Variants in SCAI observed in about 807,000 individuals in gnomAD.
SCAI encodes the protein protein SCAI.
A neutral mutation model predicts 92.2 loss-of-function variants in SCAI; 24 were observed. The observed-to-expected ratio is 0.26, with a 90% CI of 0.19 to 0.37. SCAI has a LOEUF of 0.37. Among genes scored for constraint, SCAI ranks in the 10% least tolerant of loss-of-function variants. The probability of loss-of-function intolerance (pLI) is 1.00; values close to 1 mark genes in which losing one functional copy is unlikely to be tolerated. For missense variants in SCAI, 450 were observed against 736.2 expected, an observed-to-expected ratio of 0.61 and a Z score of 4.50; for synonymous variants, 261 against 258.6, an observed-to-expected ratio of 1.01 and a Z score of -0.09.
intron 13 of SCAI, among the ~76,000 whole-genome samples, chr9:124,999,277 C>T (rs1041946018): frequency 4.1e-4 from 63 of 151,816 alleles, no homozygotes; most frequent in Admixed American, 1.8e-3. Context: ...ATCCCAGCTA[C>T]GCAGGAGGCT....
At chr9:125,074,188 G>A (rs543767032) in intron 2 of SCAI, among the ~76,000 whole-genome samples, 47 of 150,238 alleles carry the variant, frequency 3.1e-4, no homozygotes, top group African/African-American at 1.0e-3. Context: ...GAACCCGAGA[G>A]GCAGAGGTTG....
intron 5 of SCAI, 140 bp downstream of exon 5, chr9:125,028,252 C>A: frequency 1.8e-6 from 1 of 542,306 alleles, no homozygotes; most frequent in South Asian, 2.3e-5. Context: ...TTGTCTTGAT[C>A]AATCTGGTCC....
rs2131282799 is a variant in SCAI at position 125,143,367 on chromosome 9, T to C, written c.53+18A>G. On this transcript the variant is annotated intron_variant, in intron 1 of 17. Coordinates refer to ENST00000336505, the MANE Select transcript of SCAI (RefSeq NM_001144877.3). ...CCCCACCCCATCCCCAACCCCGGCC[T>C]CCACCCAGCCCCCGCACCTGGGGGC... 1.8e-6 allele frequency: 2 copies of C among 1,126,786 alleles called. No homozygotes were observed. The highest frequency in any genetic ancestry group is 2.2e-6 in the Non-Finnish European group (2 of 897,874). 69.8% of individuals were successfully genotyped at this position (1,126,786 alleles called of 1,614,324 possible). A position where few individuals can be genotyped will look rare whatever the true frequency, so the allele number is the denominator to read the frequency against.
At chr9:124,972,973 T>C (rs1831688932) in intron 15 of SCAI, among the ~76,000 whole-genome samples, 1 of 152,222 alleles carries the variant, frequency 6.6e-6, no homozygotes, top group South Asian at 2.1e-4. Flanking sequence ...ATGGTACAAG[T>C]TGAGTATCCC....
intron 2 of SCAI, among the ~76,000 whole-genome samples, chr9:125,118,373 C>A (rs1398064636): frequency 2.0e-5 from 3 of 151,994 alleles, no homozygotes; most frequent in Non-Finnish European, 2.9e-5. Context: ...AAAAAATTAA[C>A]CAGGCATGGT....
intron 17 of SCAI, among the ~76,000 whole-genome samples, chr9:124,962,839 C>T (rs1198321061): frequency 6.6e-6 from 1 of 150,858 alleles, no homozygotes; most frequent in Non-Finnish European, 1.5e-5. Context: ...TGCTCTGTCA[C>T]CCAGGCTGGA....
At chr9:124,953,000 G>C in intron 17 of SCAI, 47 bp from the exon 18 acceptor site, 1 of 1,513,848 alleles carries the variant, frequency 6.6e-7, no homozygotes, top group South Asian at 1.1e-5. Context: ...TCTAATGAAA[G>C]AAAATTATAC....
intron 3 of SCAI, among the ~76,000 whole-genome samples, chr9:125,039,280 G>T (rs375801496): frequency 1.4e-4 from 21 of 151,818 alleles, no homozygotes; most frequent in Non-Finnish European, 2.8e-4. Context: ...CCAGCCACTC[G>T]GGAGGCTGAG....
chr9:125,108,006 A>AT (rs1256387629), intron 2 of SCAI, among the ~76,000 whole-genome samples: 2 of 151,928 alleles, frequency 1.3e-5, no homozygotes, highest in Non-Finnish European at 2.9e-5. Flanking sequence ...TGGTTTTCGT[A>AT]TTTTTTTGGT....
chr9:125,058,745 A>G (rs1220347737), intron 2 of SCAI, among the ~76,000 whole-genome samples: 2 of 152,290 alleles, frequency 1.3e-5, no homozygotes, highest in East Asian at 3.9e-4. Flanking sequence ...AAGGAACCAG[A>G]CATCTCTGGA....
At chr9:125,014,925 A>G (rs1832720127) in intron 9 of SCAI, among the ~76,000 whole-genome samples, 1 of 152,216 alleles carries the variant, frequency 6.6e-6, no homozygotes, top group East Asian at 1.9e-4. Context: ...CAAACAAGCA[A>G]TGGGGAAAGG....
intron 17 of SCAI, among the ~76,000 whole-genome samples, chr9:124,969,217 T>A (rs1023952113): frequency 6.6e-6 from 1 of 152,184 alleles, no homozygotes; most frequent in African/African-American, 2.4e-5. Flanking sequence ...AGTGCTGAGA[T>A]TACAGGTGTG....
intron 2 of SCAI, among the ~76,000 whole-genome samples, chr9:125,092,450 C>A (rs1476482961): frequency 6.6e-6 from 1 of 152,156 alleles, no homozygotes; most frequent in Non-Finnish European, 1.5e-5. Flanking sequence ...AAGACTCTGT[C>A]AAACAACAAC....
chr9:125,101,926 A>G (rs755385725), intron 2 of SCAI, among the ~76,000 whole-genome samples: 9 of 152,218 alleles, frequency 5.9e-5, no homozygotes, highest in Admixed American at 1.3e-4. Flanking sequence ...GGGGATAGAG[A>G]CATCAAGCTG....
At chr9:125,068,990 T>C (rs1833923359) in intron 2 of SCAI, among the ~76,000 whole-genome samples, 1 of 151,962 alleles carries the variant, frequency 6.6e-6, no homozygotes. Context: ...CCAAGGCGGT[T>C]GGAAAACTTG....
chr9:124,971,867 T>C (rs751574056), intron 15 of SCAI, 23 bp from the exon 16 acceptor site: 2 of 1,486,414 alleles, frequency 1.3e-6, no homozygotes, highest in South Asian at 1.3e-5. Flanking sequence ...ACATGTTATA[T>C]ATATAGACAA....
chr9:125,060,255 T>A (rs1221828687), intron 2 of SCAI, among the ~76,000 whole-genome samples: 7 of 147,304 alleles, frequency 4.8e-5, no homozygotes, highest in Non-Finnish European at 8.9e-5. Context: ...TTTAGAAGGC[T>A]TAGTATGAAA....
chr9:124,956,740 C>T (rs1374856816), intron 17 of SCAI, among the ~76,000 whole-genome samples: 1 of 152,140 alleles, frequency 6.6e-6, no homozygotes, highest in African/African-American at 2.4e-5. Context: ...CATCTTTCCC[C>T]TAAAATCAGG....
At chr9:125,135,986 CA>C (rs992453709) in intron 2 of SCAI, among the ~76,000 whole-genome samples, 24 of 132,382 alleles carry the variant, frequency 1.8e-4, no homozygotes, top group Middle Eastern at 3.7e-3. Flanking sequence ...AAAAAAAAAA[CA>C]AAAAAAAAAC....
Sources: gnomAD v4.1 joint callset for allele counts (sites outside exome capture counted in the v4.1 genomes callset) on GRCh38, gnomAD v4.1.1 for gene constraint, MANE v1.5 for transcripts, NCBI Gene and HGNC (gene_info 2026-07-23, HGNC 2026-07-21) for gene names.